PLCL1: variants seen among roughly 807,000 people sequenced by gnomAD.
The protein encoded by PLCL1 is phospholipase C like 1 (inactive).
Under a neutral mutation model 84.4 loss-of-function variants are expected in PLCL1, and 41 were observed. That is an observed-to-expected ratio of 0.49 (90% CI 0.38 to 0.63). PLCL1 has a LOEUF of 0.63. Among genes scored for constraint, PLCL1 ranks in the 30% least tolerant of loss-of-function variants. PLCL1 has a pLI of 0.00. For synonymous variants in PLCL1, 490 were observed against 488.3 expected (o/e 1.00, Z -0.05); for missense variants, 1,206 against 1,367.8 (o/e 0.88, Z 1.87).
chr2:198,085,121 G>A lies in PLCL1; in HGVS notation c.1604G>A (p.Arg535Lys), dbSNP rs1301142717. ...SYLPSPEKLKRMIIVKGKKLP... is the reference protein window; with the variant it reads ...SYLPSPEKLKKMIIVKGKKLP... ...CTCCCATCACCAGAAAAATTAAAAA[G>A]AATGATCATTGTGAAAGGAAAGAAG... The change falls in exon 2 of 6, where the codon AGA becomes AAA. Residue 535 changes from arginine (R) to lysine (K), a missense_variant. By Grantham distance (26) the Arg-to-Lys change is conservative. Transcript: ENST00000428675. The surrounding 1 kb of genome is among the most constrained non-coding windows in gnomAD (Gnocchi z 5.3). The A allele has an allele frequency of 1.2e-6, 2 of 1,614,002 alleles. No individual in the cohort carries two copies. Among genetic ancestry groups the A allele is most frequent in the Non-Finnish European group, 1.7e-6 (2 of 1,179,952 alleles).
chr2:198,098,207 G>A (rs1454777454), intron 3 of PLCL1, among the ~76,000 whole-genome samples: 1 of 152,122 alleles, frequency 6.6e-6, no homozygotes, highest in South Asian at 2.1e-4. Context: ...GTCTAGAGTA[G>A]ATTAGCTTTT....
At chr2:198,024,787 A>C (rs1433158559) in intron 1 of PLCL1, among the ~76,000 whole-genome samples, 2 of 151,538 alleles carry the variant, frequency 1.3e-5, no homozygotes, top group African/African-American at 2.4e-5. Context: ...AATTACTACG[A>C]GTGGTACCTT....
chr2:198,132,569 T>C (rs1360014249), intron 5 of PLCL1, among the ~76,000 whole-genome samples: 1 of 152,132 alleles, frequency 6.6e-6, no homozygotes, highest in Non-Finnish European at 1.5e-5. Context: ...ATTTTCACAG[T>C]AAGATATTCT....
intron 1 of PLCL1, among the ~76,000 whole-genome samples, chr2:197,957,311 G>A (rs1689514783): frequency 6.6e-6 from 1 of 151,974 alleles, no homozygotes; most frequent in African/African-American, 2.4e-5. Flanking sequence ...ACTTTTTGAG[G>A]CAGAGGCCAT....
At chr2:197,971,891 T>C (rs1180895665) in intron 1 of PLCL1, among the ~76,000 whole-genome samples, 1 of 152,260 alleles carries the variant, frequency 6.6e-6, no homozygotes, top group Non-Finnish European at 1.5e-5. Flanking sequence ...CTATATTATT[T>C]GCATTCTGTT....
rs959521390 is a variant in PLCL1, at chr2:198,016,582, G to A, written c.241-67176G>A. On this transcript the variant is annotated intron_variant, in intron 1 of 5. Coordinates refer to ENST00000428675, the MANE Select transcript of PLCL1 (RefSeq NM_006226.4). The stretch of plus-strand genomic sequence containing the variant: ...ACTTGAGCAAATTATTTAACTTCCT[G>A]ATCTATAGCTTCCTCGACTCTAAAA... 2.0e-5 allele frequency among the ~76,000 whole-genome samples: 3 copies of A among 152,086 alleles called. No homozygotes were observed. In the South Asian group the frequency reaches 6.2e-4, roughly 32 times the overall value.
rs538867122 is a variant in PLCL1, at chr2:198,085,067, C to G, written c.1550C>G (p.Thr517Ser). 2 of 1,613,982 alleles carry G rather than the reference C, an allele frequency of 1.2e-6. No homozygotes were observed. Among genetic ancestry groups the G allele is most frequent in the Admixed American group, 1.7e-5 (1 of 60,014 alleles). The change falls in exon 2 of 6, where the codon ACT becomes AGT. Residue 517 changes from threonine to serine, a missense_variant. By Grantham distance (58) the Thr-to-Ser change is moderately conservative. Transcript: ENST00000428675. The surrounding 1 kb of genome is among the most constrained non-coding windows in gnomAD (Gnocchi z 5.3). ...AAGGTCTTTGGCAATAAACTCTATACTGAAGCACCTTTGCCCTCAGAATCC... is the reference window on the plus strand; with the variant it reads ...AAGGTCTTTGGCAATAAACTCTATAGTGAAGCACCTTTGCCCTCAGAATCC... The part of the protein sequence containing the change: ...MKKVFGNKLY[T>S]EAPLPSESYL...
At chr2:197,830,838 G>A (rs1219058799) in intron 1 of PLCL1, among the ~76,000 whole-genome samples, 1 of 152,172 alleles carries the variant, frequency 6.6e-6, no homozygotes, top group Non-Finnish European at 1.5e-5. Flanking sequence ...CAGAAACCAT[G>A]CAAGCCAGAA....
intron 1 of PLCL1, among the ~76,000 whole-genome samples, chr2:198,031,415 A>G (rs192183982): frequency 4.4e-4 from 67 of 151,888 alleles, no homozygotes; most frequent in Non-Finnish European, 9.3e-4. Flanking sequence ...TTGTGGTTAC[A>G]TAATTATAGA....
At chr2:197,933,941 A>G (rs755278696) in intron 1 of PLCL1, among the ~76,000 whole-genome samples, 3 of 152,122 alleles carry the variant, frequency 2.0e-5, no homozygotes, top group Non-Finnish European at 4.4e-5. Context: ...TGAAAGAGTA[A>G]TCTGGGTTAA....
chr2:198,143,212 A>C (rs2105947483), intron 5 of PLCL1, among the ~76,000 whole-genome samples: 1 of 152,278 alleles, frequency 6.6e-6, no homozygotes, highest in South Asian at 2.1e-4. Flanking sequence ...GATCAACCTC[A>C]GATCAACAGG....
At chr2:197,852,985 A>G (rs568193217) in intron 1 of PLCL1, among the ~76,000 whole-genome samples, 8 of 152,112 alleles carry the variant, frequency 5.3e-5, no homozygotes, top group Admixed American at 1.3e-4. Context: ...ATCTTCCCCA[A>G]TTGAAATTCT....
intron 1 of PLCL1, among the ~76,000 whole-genome samples, chr2:198,015,212 C>T (rs1192407655): frequency 1.3e-5 from 2 of 152,058 alleles, no homozygotes; most frequent in Admixed American, 1.3e-4. Flanking sequence ...ATCTATCTAT[C>T]TACAAATCTA....
At chr2:197,999,660 C>T (rs984058575) in intron 1 of PLCL1, among the ~76,000 whole-genome samples, 10 of 152,230 alleles carry the variant, frequency 6.6e-5, no homozygotes, top group Admixed American at 5.2e-4. Flanking sequence ...CTAATGGATA[C>T]CATAACAAAG....
intron 1 of PLCL1, among the ~76,000 whole-genome samples, chr2:198,007,060 G>A (rs1690745227): frequency 6.6e-6 from 1 of 152,118 alleles, no homozygotes; most frequent in Admixed American, 6.5e-5. Flanking sequence ...ATGAAAATAA[G>A]GATTAGAAGT....
At position 198,076,098 on chromosome 2, in the gene PLCL1, A is replaced by G. The variant is rs147351195; in HGVS notation, c.241-7660A>G. Among the ~76,000 whole-genome samples the G allele has an allele frequency of 2.0e-4, 31 of 152,350 alleles. 1 individual carries two copies. In the East Asian group the frequency reaches 6.0e-3, roughly 29 times the overall value. On this transcript the variant is annotated intron_variant, in intron 1 of 5. Coordinates refer to ENST00000428675, the MANE Select transcript of PLCL1 (RefSeq NM_006226.4). ...AATGAGCAAATGATTGCAGTGAGGT[A>G]CAGCACAGTGGAAGCTTCTTCTGTT...
chr2:198,137,865 G>A (rs1694294286), intron 5 of PLCL1, among the ~76,000 whole-genome samples: 1 of 152,168 alleles, frequency 6.6e-6, no homozygotes. Context: ...CAGGGATGAT[G>A]TCTGTGCTCA....
At chr2:197,901,862 C>G (rs1045219725) in intron 1 of PLCL1, among the ~76,000 whole-genome samples, 16 of 152,224 alleles carry the variant, frequency 1.1e-4, no homozygotes, top group Middle Eastern at 3.4e-3. Context: ...AAACTAGAAT[C>G]CAGGTCCTCT....
At chr2:197,935,802 C>G (rs918233672) in intron 1 of PLCL1, among the ~76,000 whole-genome samples, 3 of 152,128 alleles carry the variant, frequency 2.0e-5, no homozygotes, top group Non-Finnish European at 2.9e-5. Flanking sequence ...TTCAGCTATA[C>G]CATATGTTAT....
Sources: gnomAD v4.1 joint callset for allele counts (sites outside exome capture counted in the v4.1 genomes callset) on GRCh38, gnomAD v4.1.1 for gene constraint, Gnocchi (gnomAD v3.1) non-coding constraint, MANE v1.5 for transcripts, NCBI Gene and HGNC (gene_info 2026-07-23, HGNC 2026-07-21) for gene names.